DBH: variants seen among roughly 807,000 people sequenced by gnomAD.
DBH encodes the protein dopamine beta-hydroxylase (dopamine beta-monooxygenase).
In DBH, 49 loss-of-function variants were observed where a neutral mutation model predicts 64.0. The ratio of observed to expected loss-of-function variants is 0.77; its 90% CI spans 0.61 to 0.97. The LOEUF (loss-of-function observed/expected upper bound fraction) is 0.97, where lower values mean the gene tolerates loss of function less well. Among genes scored for constraint, DBH ranks in the 50% least tolerant of loss-of-function variants. The probability of loss-of-function intolerance (pLI) is 0.00; values close to 1 mark genes in which losing one functional copy is unlikely to be tolerated. For missense variants in DBH, 828 were observed against 826.6 expected, an observed-to-expected ratio of 1.00 and a Z score of -0.02; for synonymous variants, 343 against 347.1, an observed-to-expected ratio of 0.99 and a Z score of 0.13.
intron 11 of DBH, among the ~76,000 whole-genome samples, chr9:133,657,493 GAGAGGA>G (rs1832348665): frequency 6.7e-6 from 1 of 149,126 alleles, no homozygotes; most frequent in South Asian, 2.1e-4. Context: ...AGAGGAGAGA[GAGAGGA>G]GAGAGAGAGA....
chr9:133,638,392 A>C (rs1315024300), intron 1 of DBH, among the ~76,000 whole-genome samples: 1 of 152,226 alleles, frequency 6.6e-6, no homozygotes, highest in African/African-American at 2.4e-5. Context: ...GAAATGAAGA[A>C]AAGATGTTTT....
At chr9:133,645,349 G>A (rs531471896) in intron 5 of DBH, among the ~76,000 whole-genome samples, 2 of 152,154 alleles carry the variant, frequency 1.3e-5, no homozygotes, top group South Asian at 2.1e-4. Context: ...AGCATGACAC[G>A]GGATTTATTG....
Position 133,644,391 on chromosome 9 carries a change from C to T in DBH, c.1024+71C>T, listed in dbSNP as rs930867167. 2.0e-5 allele frequency: 26 copies of T among 1,290,742 alleles called. No homozygotes were observed. The Admixed American group carries it at 2.4e-4, about 12-fold the overall frequency. 80.0% of individuals were successfully genotyped at this position (1,290,742 alleles called of 1,614,324 possible). A position where few individuals can be genotyped will look rare whatever the true frequency, so the allele number is the denominator to read the frequency against. ...CTGTGTTGAGCCAGTGAGCAAATCC[C>T]GCCCTTCGTCTGCCCAGCATGGTGC... On this transcript the variant is annotated intron_variant, in intron 5 of 11. Coordinates refer to ENST00000393056, the MANE Select transcript of DBH (RefSeq NM_000787.4).
intron 9 of DBH, among the ~76,000 whole-genome samples, chr9:133,653,208 C>A (rs1162355725): frequency 1.3e-5 from 2 of 152,154 alleles, no homozygotes; most frequent in Non-Finnish European, 2.9e-5. Flanking sequence ...CCCAGGCCCA[C>A]TGAGTCAGAG....
At chr9:133,641,842 A>G (rs1832119285) in intron 2 of DBH, among the ~76,000 whole-genome samples, 1 of 152,206 alleles carries the variant, frequency 6.6e-6, no homozygotes, top group African/African-American at 2.4e-5. Flanking sequence ...TGAACTGACC[A>G]ATGATCCCCC....
At chr9:133,653,577 C>T (rs971695940) in intron 9 of DBH, among the ~76,000 whole-genome samples, 2 of 151,982 alleles carry the variant, frequency 1.3e-5, no homozygotes, top group South Asian at 4.2e-4. Context: ...GGGCTGCGTG[C>T]GGGAAGGCCC....
At chr9:133,640,019 A>G in intron 2 of DBH, 27 bp downstream of exon 2, 2 of 1,613,500 alleles carry the variant, frequency 1.2e-6, no homozygotes, top group Non-Finnish European at 1.7e-6. Flanking sequence ...AGTACCCAGG[A>G]GGGCGTGGGC....
chr9:133,643,801 G>A lies in DBH; in HGVS notation c.921+212G>A, dbSNP rs548595106. On this transcript the variant is annotated intron_variant, in intron 4 of 11. Coordinates refer to ENST00000393056, the MANE Select transcript of DBH (RefSeq NM_000787.4). This position sits in a 1 kb window ranked among gnomAD's most constrained non-coding sequence, Gnocchi z 5.3. Reference sequence around the variant, plus strand: ...CCTTTTTTTTATTTTCCACAGAAACGCAAGTGCCGCAGGACCTTATGCCCT... The same window carrying A: ...CCTTTTTTTTATTTTCCACAGAAACACAAGTGCCGCAGGACCTTATGCCCT... 2.6e-5 allele frequency among the ~76,000 whole-genome samples: 4 copies of A among 152,268 alleles called. No individual in the cohort carries two copies. The highest frequency in any genetic ancestry group is 3.9e-4 in the East Asian group (2 of 5,180).
intron 5 of DBH, among the ~76,000 whole-genome samples, chr9:133,645,037 G>C (rs1832166876): frequency 1.3e-5 from 2 of 152,128 alleles, no homozygotes; most frequent in African/African-American, 4.8e-5. Context: ...TCTGAATGGT[G>C]CTTCTTCTTT....
chr9:133,651,801 G>GGGCCCCCCCCCCCC, intron 7 of DBH, 24 bp downstream of exon 7: 1 of 1,496,350 alleles, frequency 6.7e-7, no homozygotes, highest in Non-Finnish European at 9.0e-7. Context: ...CCCCACCCCT[G>GGGCCCCCCCCCCCC]CCCCGCCCCC....
rs774038149 is a variant in DBH, at chr9:133,652,336, C to T, written c.1374+52C>T. 6 of 1,599,934 alleles carry T rather than the reference C, an allele frequency of 3.8e-6. No homozygotes were observed. The African/African-American group carries it at 8.0e-5, about 21-fold the overall frequency. ...CACTCACTGCCACCAGCTGGGGTGG[C>T]TGAGAGGGCTGGGGGTGCCACCAGA... is the stretch of plus-strand genomic sequence containing the variant. On this transcript the variant is annotated intron_variant, in intron 8 of 11. Coordinates refer to ENST00000393056, the MANE Select transcript of DBH (RefSeq NM_000787.4).
rs888788379 is a variant in DBH, at chr9:133,643,742, C to T, written c.921+153C>T. On this transcript the variant is annotated intron_variant, in intron 4 of 11. Transcript: ENST00000393056. The surrounding 1 kb of genome is among the most constrained non-coding windows in gnomAD (Gnocchi z 5.3). ...CCAGAAGGGCCAGGCCTGAGGTGGC[C>T]CCCTCGCCTCTGTGATGTCTGAAAT... Among the ~76,000 whole-genome samples, 3 of 152,206 alleles carry T rather than the reference C, an allele frequency of 2.0e-5. 1 individual carries two copies. The highest frequency in any genetic ancestry group is 4.1e-4 in the South Asian group (2 of 4,826).
Position 133,657,052 on chromosome 9 carries a change from G to A in DBH, c.1563-18G>A, listed in dbSNP as rs753612711. On this transcript the variant is annotated intron_variant, in intron 10 of 11. Transcript: ENST00000393056. ...CCGTCAGCTGCTCCCCAGCCTGGCT[G>A]TTCCTTGTCCCCACCAGGTTCAACA... is the stretch of plus-strand genomic sequence containing the variant. 6.2e-7 allele frequency: 1 copy of A among 1,613,646 alleles called. No homozygotes were observed. Among genetic ancestry groups the A allele is most frequent in the Non-Finnish European group, 8.5e-7 (1 of 1,179,992 alleles).
chr9:133,636,629 G>A lies in DBH; in HGVS notation c.258G>A (p.Leu86=), dbSNP rs917323889. 5.6e-6 allele frequency: 9 copies of A among 1,613,240 alleles called. No homozygotes were observed. The highest frequency in any genetic ancestry group is 7.6e-6 in the Non-Finnish European group (9 of 1,180,028). ...LLVRRLKAGV[L]FGMSDRGELE... The stretch of plus-strand genomic sequence containing the variant: ...TGCGGAGGCTCAAGGCTGGCGTCCT[G>A]TTTGGGATGTCCGACCGTGGCGAGC... Residue 86 remains leucine, a synonymous_variant, in exon 1 of 12, where the codon CTG becomes CTA. Transcript: ENST00000393056.
intron 9 of DBH, 109 bp downstream of exon 9, chr9:133,653,108 C>T: frequency 2.3e-6 from 2 of 862,768 alleles, no homozygotes; most frequent in Non-Finnish European, 3.9e-6. Flanking sequence ...TGGGCTCGTC[C>T]CCTCAATAAG....
At chr9:133,657,432 AGG>A (rs1832342060) in intron 11 of DBH, 5 of 362,174 alleles carry the variant, frequency 1.4e-5, no homozygotes, top group Middle Eastern at 8.0e-4. Flanking sequence ...GAGGAGAGAG[AGG>A]AGAGAGAGGA....
rs941466212 is a variant in DBH, at chr9:133,657,172, G to A, written c.1665G>A (p.Leu555=). 4.3e-6 allele frequency: 7 copies of A among 1,614,020 alleles called. No homozygotes were observed. Among genetic ancestry groups the A allele is most frequent in the Non-Finnish European group, 5.9e-6 (7 of 1,180,044 alleles). ...TCAACCGCGACGTACTGAAGGCCCT[G>A]TACAGCTTCGCGCCCATCTCCATGC... ...NSFNRDVLKA[L]YSFAPISMHC... The change falls in exon 11 of 12, where the codon CTG becomes CTA. Residue 555 remains leucine, a synonymous_variant. Transcript: ENST00000393056.
intron 7 of DBH, 48 bp downstream of exon 7, chr9:133,651,825 A>G: frequency 8.0e-7 from 1 of 1,243,030 alleles, no homozygotes; most frequent in Non-Finnish European, 1.1e-6. Flanking sequence ...CCCTGCCACC[A>G]CACGACCTCC....
rs933752421 is a variant in DBH, at chr9:133,658,639, G to C, written c.*192G>C. ...CAGGGTCCCCTGCATGGCTGAGAGG[G>C]TGTGGGTGCCCTGTTGACCTACCCT... On this transcript the variant is annotated 3_prime_UTR_variant, in exon 12 of 12. Coordinates refer to ENST00000393056, the MANE Select transcript of DBH (RefSeq NM_000787.4). 22 of 637,914 alleles carry C rather than the reference G, an allele frequency of 3.4e-5. No individual in the cohort carries two copies. The highest frequency in any genetic ancestry group is 5.4e-5 in the Non-Finnish European group (21 of 392,204). 39.5% of individuals were successfully genotyped at this position (637,914 alleles called of 1,614,324 possible).
Sources: gnomAD v4.1 joint callset for allele counts (sites outside exome capture counted in the v4.1 genomes callset) on GRCh38, gnomAD v4.1.1 for gene constraint, Gnocchi (gnomAD v3.1) non-coding constraint, MANE v1.5 for transcripts, NCBI Gene and HGNC (gene_info 2026-07-23, HGNC 2026-07-21) for gene names.